Variants in ARHGEF26 observed in about 807,000 individuals in gnomAD.
The protein encoded by ARHGEF26 is Rho guanine nucleotide exchange factor (GEF) 26.
In ARHGEF26, 59 loss-of-function variants were observed where a neutral mutation model predicts 89.4. The ratio of observed to expected loss-of-function variants is 0.66; its 90% CI spans 0.54 to 0.82. ARHGEF26 has a LOEUF of 0.82. Ranked by LOEUF, ARHGEF26 falls within the 40% of genes least tolerant of loss-of-function variation. The pLI is 0.00. For synonymous variants in ARHGEF26, 500 were observed against 428.4 expected, an observed-to-expected ratio of 1.17 and a Z score of -2.06; for missense variants, 1,234 against 1,085.6, an observed-to-expected ratio of 1.14 and a Z score of -1.92.
chr3:154,235,059 C>CT (rs923225869), intron 11 of ARHGEF26, among the ~76,000 whole-genome samples: 27 of 149,988 alleles, frequency 1.8e-4, no homozygotes, highest in Admixed American at 3.3e-4. Context: ...CTAGTTTATT[C>CT]TTTTTTTTTT....
chr3:154,202,360 C>A (rs1483031656), intron 9 of ARHGEF26, among the ~76,000 whole-genome samples: 3 of 152,082 alleles, frequency 2.0e-5, no homozygotes, highest in African/African-American at 7.2e-5. Context: ...TTCCCTTGGT[C>A]TATATCTCTG....
Position 154,122,573 on chromosome 3 carries a change from A to G in ARHGEF26, c.581A>G (p.Lys194Arg). ...SPGSGSQSGR[K>R]AKDPERGLFP... Reference sequence around the variant, plus strand: ...GGGTCAGGTTCGCAGTCCGGCCGGAAGGCAAAGGACCCCGAACGGGGGCTC... The same window carrying G: ...GGGTCAGGTTCGCAGTCCGGCCGGAGGGCAAAGGACCCCGAACGGGGGCTC... Residue 194 changes from lysine (K) to arginine (R), a missense_variant, in exon 2 of 15, where the codon AAG (lysine) becomes AGG (arginine). Lys to Arg is a conservative substitution (Grantham distance 26). Coordinates refer to ENST00000465093, the MANE Select transcript of ARHGEF26 (RefSeq NM_015595.4). 6.2e-7 allele frequency: 1 copy of G among 1,613,608 alleles called. No individual in the cohort carries two copies. The highest frequency in any genetic ancestry group is 8.5e-7 in the Non-Finnish European group (1 of 1,179,882).
At chr3:154,198,409 GAA>G (rs900054026) in intron 9 of ARHGEF26, among the ~76,000 whole-genome samples, 67 of 152,050 alleles carry the variant, frequency 4.4e-4, no homozygotes, top group African/African-American at 1.5e-3. Context: ...GTCATTATGT[GAA>G]AAAGACACTT....
intron 4 of ARHGEF26, among the ~76,000 whole-genome samples, chr3:154,141,583 C>T (rs1015042959): frequency 2.0e-5 from 3 of 152,158 alleles, no homozygotes; most frequent in African/African-American, 7.2e-5. Flanking sequence ...TGACTTTTGT[C>T]TAGTGTAAAT....
intron 11 of ARHGEF26, among the ~76,000 whole-genome samples, chr3:154,228,740 C>T (rs1011799087): frequency 3.7e-4 from 9 of 24,628 alleles, no homozygotes; most frequent in Admixed American, 1.7e-3. Flanking sequence ...TTCAAGGAGG[C>T]GAACTGCAAA....
chr3:154,248,187 A>G (rs1717912448), intron 12 of ARHGEF26, among the ~76,000 whole-genome samples: 1 of 152,232 alleles, frequency 6.6e-6, no homozygotes, highest in Non-Finnish European at 1.5e-5. Context: ...GTTATAGGAT[A>G]TGATGACCTT....
chr3:154,239,566 G>A (rs1196252352), intron 11 of ARHGEF26, among the ~76,000 whole-genome samples: 2 of 152,038 alleles, frequency 1.3e-5, no homozygotes, highest in South Asian at 2.1e-4. Context: ...TGTTCTCTAG[G>A]GAGAGCCAGG....
At chr3:154,255,164 C>T (rs143646340) in intron 14 of ARHGEF26, among the ~76,000 whole-genome samples, 167 bp from the exon 15 acceptor site, 1 of 152,202 alleles carries the variant, frequency 6.6e-6, no homozygotes, top group East Asian at 1.9e-4. Context: ...CGTTCTTTCC[C>T]TGCCATGTCA....
In ARHGEF26 at chr3:154,122,824, G is replaced by A. The variant is rs1469920330; in HGVS notation, c.832G>A (p.Val278Met). 1 of 1,612,754 alleles carries A rather than the reference G, an allele frequency of 6.2e-7. No individual in the cohort carries two copies. The highest frequency in any genetic ancestry group is 2.2e-5 in the East Asian group (1 of 44,854). The change falls in exon 2 of 15, where the codon GTG becomes ATG. Residue 278 changes from valine to methionine, a missense_variant. Val to Met is a conservative substitution (Grantham distance 21). Coordinates refer to ENST00000465093, the MANE Select transcript of ARHGEF26 (RefSeq NM_015595.4). ...NVEPHKRLLKVRSMVEGLGGP... is the reference protein window; with the variant it reads ...NVEPHKRLLKMRSMVEGLGGP... ...GGAGCCCCACAAGAGACTCCTCAAG[G>A]TGCGCAGCATGGTGGAGGGCCTAGG...
chr3:154,202,632 G>T (rs1168697058), intron 9 of ARHGEF26, among the ~76,000 whole-genome samples: 1 of 152,178 alleles, frequency 6.6e-6, no homozygotes, highest in Non-Finnish European at 1.5e-5. Context: ...TCCTACCCAT[G>T]AGCATGGAAT....
chr3:154,183,652 A>G (rs1211767090), intron 6 of ARHGEF26, among the ~76,000 whole-genome samples: 1 of 152,232 alleles, frequency 6.6e-6, no homozygotes, highest in African/African-American at 2.4e-5. Context: ...TTTAACATAG[A>G]AAGCTTTAAA....
chr3:154,194,554 G>A (rs2108194020), intron 8 of ARHGEF26, 90 bp from the exon 9 acceptor site: 5 of 895,866 alleles, frequency 5.6e-6, no homozygotes, highest in Non-Finnish European at 8.8e-6. Flanking sequence ...GGCATTGTTT[G>A]CTATGAGTAA....
At chr3:154,160,668 CATTGATTG>C (rs141828296) in intron 6 of ARHGEF26, among the ~76,000 whole-genome samples, 1 of 151,986 alleles carries the variant, frequency 6.6e-6, no homozygotes, top group Non-Finnish European at 1.5e-5. Flanking sequence ...AAAGGTGGTG[CATTGATTG>C]ATTGATTGAT....
chr3:154,148,609 C>T (rs1719827261), intron 4 of ARHGEF26, among the ~76,000 whole-genome samples: 1 of 152,120 alleles, frequency 6.6e-6, no homozygotes, highest in Non-Finnish European at 1.5e-5. Flanking sequence ...ATGCCACTGG[C>T]ATGGAAATTC....
chr3:154,189,093 A>G (rs960249924), intron 7 of ARHGEF26, among the ~76,000 whole-genome samples: 2 of 152,118 alleles, frequency 1.3e-5, no homozygotes, highest in African/African-American at 2.4e-5. Context: ...AACCGCTGCT[A>G]TAGGAACAGA....
At position 154,122,501 on chromosome 3, in the gene ARHGEF26, T is replaced by C. The variant is rs1371664619; in HGVS notation, c.509T>C (p.Val170Ala). 3 of 1,613,064 alleles carry C rather than the reference T, an allele frequency of 1.9e-6. No individual in the cohort carries two copies. Among genetic ancestry groups the C allele is most frequent in the Non-Finnish European group, 2.5e-6 (3 of 1,179,806 alleles). Residue 170 changes from valine to alanine, a missense_variant, in exon 2 of 15, where the codon GTG becomes GCG. Val to Ala is a moderately conservative substitution (Grantham distance 64). Coordinates refer to ENST00000465093, the MANE Select transcript of ARHGEF26 (RefSeq NM_015595.4). ...EDLTGLTASP[V>A]PSPTANGLAA... ...CTTACTGGGTTGACTGCCAGCCCGG[T>C]GCCTTCGCCCACTGCAAATGGCCTT...
chr3:154,226,524 T>C (rs1213623044), intron 11 of ARHGEF26, among the ~76,000 whole-genome samples: 7 of 152,202 alleles, frequency 4.6e-5, no homozygotes, highest in Non-Finnish European at 7.3e-5. Flanking sequence ...GTAAATCATT[T>C]GATTGGCAGA....
rs1298224861 is a variant in ARHGEF26 at position 154,187,817 on chromosome 3, A to G, written c.1620A>G (p.Gln540=). ...VKYCTNEVYQ[Q]RTLQKLLATN... ...ACTGCACAAATGAAGTCTACCAACA[A>G]CGAACACTACAAAAATTGTTGTAAG... is the stretch of plus-strand genomic sequence containing the variant. The change falls in exon 7 of 15, where the codon CAA becomes CAG. Residue 540 remains glutamine, a synonymous_variant. Transcript: ENST00000465093. The G allele has an allele frequency of 1.2e-6, 2 of 1,609,606 alleles. No homozygotes were observed. Among genetic ancestry groups the G allele is most frequent in the African/African-American group, 2.7e-5 (2 of 74,854 alleles).
At chr3:154,231,881 G>A (rs1716846624) in intron 11 of ARHGEF26, among the ~76,000 whole-genome samples, 2 of 149,058 alleles carry the variant, frequency 1.3e-5, no homozygotes, top group Middle Eastern at 3.5e-3. Context: ...TAAATCATGT[G>A]TACACGTTGT....
Sources: allele counts gnomAD v4.1 joint callset (sites outside exome capture counted in the v4.1 genomes callset), GRCh38; gene constraint gnomAD v4.1.1; transcripts MANE v1.5; gene names NCBI Gene and HGNC (gene_info 2026-07-23, HGNC 2026-07-21).